Variants in AOPEP observed in about 807,000 individuals in gnomAD.
AOPEP encodes the protein aminopeptidase O.
In AOPEP, 77 loss-of-function variants were observed where a neutral mutation model predicts 98.1. The ratio of observed to expected loss-of-function variants is 0.78; its 90% CI spans 0.65 to 0.95. The LOEUF is 0.95. Among genes scored for constraint, AOPEP ranks in the 40% least tolerant of loss-of-function variants. The probability of loss-of-function intolerance (pLI) is 0.00; values close to 1 mark genes in which losing one functional copy is unlikely to be tolerated. For synonymous variants in AOPEP, 346 were observed against 365.3 expected (o/e 0.95, Z 0.60); for missense variants, 1,024 against 1,024.7 (o/e 1.00, Z 0.01).
At chr9:95,148,437 T>G in the AOPEP span, among the ~76,000 whole-genome samples, 1 of 152,194 alleles carries the variant, frequency 6.6e-6, no homozygotes, top group Non-Finnish European at 1.5e-5. Context: ...TCTCAATAAT[T>G]AGCAAAGTGA....
intron 11 of AOPEP, among the ~76,000 whole-genome samples, chr9:94,988,291 G>A (rs964675647): frequency 2.0e-5 from 3 of 152,174 alleles, no homozygotes; most frequent in African/African-American, 7.2e-5. Context: ...TCCTACTCAC[G>A]ACGGGGAAGG....
chr9:95,060,862 AG>A (rs1395367691), intron 14 of AOPEP, 52 bp downstream of exon 14: 1 of 1,142,968 alleles, frequency 8.7e-7, no homozygotes, highest in Non-Finnish European at 1.3e-6. Context: ...CTGTTGTTGA[AG>A]AATGGTGATC....
chr9:94,975,821 C>T (rs377592219), intron 10 of AOPEP, among the ~76,000 whole-genome samples: 11 of 152,338 alleles, frequency 7.2e-5, no homozygotes, highest in East Asian at 3.9e-4. Context: ...AGGCAGGGCC[C>T]GGTAGCAGGG....
intron 14 of AOPEP, among the ~76,000 whole-genome samples, chr9:95,069,728 A>T (rs1449721691): frequency 6.6e-6 from 1 of 152,228 alleles, no homozygotes; most frequent in Non-Finnish European, 1.5e-5. Context: ...GTTTGTCATC[A>T]CACTTGACCC....
chr9:95,029,823 C>T (rs1211468917), intron 13 of AOPEP, among the ~76,000 whole-genome samples: 2 of 152,310 alleles, frequency 1.3e-5, no homozygotes, highest in Admixed American at 1.3e-4. Flanking sequence ...AGTCTGGCCT[C>T]TCTTTCGTAG....
At chr9:94,850,276 C>CA (rs1054293097) in intron 5 of AOPEP, among the ~76,000 whole-genome samples, 9 of 143,100 alleles carry the variant, frequency 6.3e-5, no homozygotes, top group Non-Finnish European at 1.1e-4. Context: ...TATTAATATG[C>CA]AAAAAAATGA....
chr9:95,008,323 C>A lies in AOPEP; in HGVS notation c.2115+2707C>A, dbSNP rs7862618. On this transcript the variant is annotated intron_variant, in intron 13 of 16. Transcript: ENST00000375315. ...GCTGGGGGTCACAACCTTTTTCCTCCGATAGGAGGGGGCAGCTTTTTTCCT... is the reference window on the plus strand; with the variant it reads ...GCTGGGGGTCACAACCTTTTTCCTCAGATAGGAGGGGGCAGCTTTTTTCCT... 9.0e-3 allele frequency among the ~76,000 whole-genome samples: 1,376 copies of A among 152,186 alleles called. 9 individuals carry two copies. The highest frequency in any genetic ancestry group is 0.013 in the Non-Finnish European group (885 of 68,010).
chr9:94,764,179 T>A (rs1380475568), intron 2 of AOPEP, among the ~76,000 whole-genome samples: 1 of 152,206 alleles, frequency 6.6e-6, no homozygotes, highest in African/African-American at 2.4e-5. Context: ...GTGGTCTTCC[T>A]CGCAAAAGCT....
intron 2 of AOPEP, among the ~76,000 whole-genome samples, chr9:94,765,155 G>T (rs1373791520): frequency 6.6e-6 from 1 of 151,836 alleles, no homozygotes; most frequent in Non-Finnish European, 1.5e-5. Context: ...TAGAGACAGG[G>T]TTTTGCTATG....
intron 7 of AOPEP, among the ~76,000 whole-genome samples, chr9:94,947,947 C>G (rs1275188642): frequency 1.3e-5 from 2 of 152,206 alleles, no homozygotes; most frequent in Non-Finnish European, 1.5e-5. Flanking sequence ...TCCAGCCCAC[C>G]CTTGTGCTTA....
At chr9:94,862,674 C>T (rs2045189717) in intron 5 of AOPEP, among the ~76,000 whole-genome samples, 1 of 152,206 alleles carries the variant, frequency 6.6e-6, no homozygotes, top group Non-Finnish European at 1.5e-5. Context: ...CTCCGTCCTC[C>T]CTGTTTTTGG....
At chr9:95,150,165 A>G in the AOPEP span, 4 of 1,506,506 alleles carry the variant, frequency 2.7e-6, no homozygotes, top group East Asian at 9.1e-5. Flanking sequence ...CTTCATGCTA[A>G]AAAGGTCAAA....
At chr9:95,031,974 C>T (rs982197281) in intron 13 of AOPEP, among the ~76,000 whole-genome samples, 1 of 152,172 alleles carries the variant, frequency 6.6e-6, no homozygotes, top group Non-Finnish European at 1.5e-5. Flanking sequence ...CTTACAGGGG[C>T]ATGAATAAGT....
intron 5 of AOPEP, among the ~76,000 whole-genome samples, chr9:94,891,831 C>T (rs1031001943): frequency 6.6e-6 from 1 of 152,040 alleles, no homozygotes; most frequent in Admixed American, 6.5e-5. Flanking sequence ...ATGTCCCAAC[C>T]TTCTTCTGTT....
In AOPEP at chr9:94,759,810, A is replaced by T. The variant is rs1837853040; in HGVS notation, c.27A>T (p.Arg9Ser). ...TGGACATACAGCTGGACCCTGCCAGAGATGACCTGCCTCTCATGGCCAACA... is the reference window on the plus strand; with the variant it reads ...TGGACATACAGCTGGACCCTGCCAGTGATGACCTGCCTCTCATGGCCAACA... MDIQLDPARDDLPLMANTS... is the reference protein window; with the variant it reads MDIQLDPASDDLPLMANTS... Residue 9 changes from arginine (R) to serine (S), a missense_variant, in exon 2 of 17, where the codon AGA becomes AGT. By Grantham distance (110) the Arg-to-Ser change is moderately radical. Coordinates refer to ENST00000375315, the MANE Select transcript of AOPEP (RefSeq NM_001193329.3). 6.2e-7 allele frequency: 1 copy of T among 1,614,120 alleles called. No homozygotes were observed. Among genetic ancestry groups the T allele is most frequent in the African/African-American group, 1.3e-5 (1 of 75,048 alleles).
rs1256570107 is a variant in AOPEP, at chr9:94,811,729, G to C, written c.1364+10727G>C. ...CTGCCCAGGCCCCTGTGCCTGTCCC[G>C]GTAACCACTCAGGTGCAGCCCCCAG... On this transcript the variant is annotated intron_variant, in intron 5 of 16. Transcript: ENST00000375315. Among the ~76,000 whole-genome samples, 3 of 152,140 alleles carry C rather than the reference G, an allele frequency of 2.0e-5. No individual in the cohort carries two copies. The South Asian group carries it at 6.2e-4, about 32-fold the overall frequency.
At chr9:95,136,289 C>T in the AOPEP span, among the ~76,000 whole-genome samples, 1 of 151,868 alleles carries the variant, frequency 6.6e-6, no homozygotes, top group African/African-American at 2.4e-5. Context: ...ATCCCAGCTA[C>T]TTGGGAGGCT....
chr9:94,749,146 A>G (rs1835140562), intron 1 of AOPEP, among the ~76,000 whole-genome samples: 1 of 152,252 alleles, frequency 6.6e-6, no homozygotes, highest in South Asian at 2.1e-4. Flanking sequence ...TTCAATTTAA[A>G]CAAATGATTA....
intron 5 of AOPEP, among the ~76,000 whole-genome samples, chr9:94,813,392 C>T (rs905104340): frequency 6.6e-6 from 1 of 152,076 alleles, no homozygotes; most frequent in African/African-American, 2.4e-5. Context: ...ATGATGATAC[C>T]ACCTGACTTT....
Sources: gnomAD v4.1 joint callset for allele counts (sites outside exome capture counted in the v4.1 genomes callset) on GRCh38, gnomAD v4.1.1 for gene constraint, MANE v1.5 for transcripts, NCBI Gene and HGNC (gene_info 2026-07-23, HGNC 2026-07-21) for gene names.